CNTLN: variants seen among roughly 807,000 people sequenced by gnomAD.
The protein encoded by CNTLN is centlein, centrosomal protein.
In CNTLN, 212 loss-of-function variants were observed where a neutral mutation model predicts 180.0. The ratio of observed to expected loss-of-function variants is 1.18; its 90% confidence interval spans 1.05 to 1.32. CNTLN has a LOEUF of 1.32. CNTLN is among the 40% of genes most tolerant of loss of function. CNTLN has a pLI of 0.00. For missense variants in CNTLN, 2,095 were observed against 1,610.9 expected, an observed-to-expected ratio of 1.30 and a Z score of -5.14; for synonymous variants, 722 against 563.1, an observed-to-expected ratio of 1.28 and a Z score of -3.99.
intron 3 of CNTLN, among the ~76,000 whole-genome samples, chr9:17,227,284 G>A (rs1290931100): frequency 6.6e-6 from 1 of 151,738 alleles, no homozygotes; most frequent in African/African-American, 2.4e-5. Context: ...TATCTTTTAT[G>A]TATAATCAGT....
At chr9:17,209,484 G>A (rs898828170) in intron 2 of CNTLN, among the ~76,000 whole-genome samples, 2 of 152,158 alleles carry the variant, frequency 1.3e-5, no homozygotes, top group African/African-American at 4.8e-5. Flanking sequence ...TTGATTTTCT[G>A]TCTGGATGAT....
At chr9:17,308,007 C>CAT (rs1256222487) in intron 7 of CNTLN, among the ~76,000 whole-genome samples, 9 of 150,810 alleles carry the variant, frequency 6.0e-5, no homozygotes, top group African/African-American at 1.2e-4. Flanking sequence ...CACACACACA[C>CAT]ACACACACAC....
intron 2 of CNTLN, among the ~76,000 whole-genome samples, chr9:17,160,259 G>A (rs537433160): frequency 3.9e-5 from 6 of 151,974 alleles, no homozygotes; most frequent in East Asian, 1.9e-4. Context: ...ATTTTATATC[G>A]TTTTCTATGG....
intron 6 of CNTLN, among the ~76,000 whole-genome samples, chr9:17,284,167 G>A (rs902348259): frequency 2.6e-5 from 4 of 152,056 alleles, no homozygotes; most frequent in African/African-American, 7.2e-5. Context: ...GATTACAGGC[G>A]CTTCCAGTAT....
chr9:17,219,380 A>G (rs772674422), intron 2 of CNTLN, among the ~76,000 whole-genome samples: 7 of 151,890 alleles, frequency 4.6e-5, no homozygotes, highest in Non-Finnish European at 7.4e-5. Context: ...AGTAGAAAAT[A>G]TTGTATTCCT....
chr9:17,150,902 C>G (rs748375157), intron 2 of CNTLN, among the ~76,000 whole-genome samples: 1 of 152,096 alleles, frequency 6.6e-6, no homozygotes, highest in African/African-American at 2.4e-5. Context: ...ATTTTATTCT[C>G]TTAGTAGCAG....
At chr9:17,339,734 T>G (rs1821327247) in intron 10 of CNTLN, among the ~76,000 whole-genome samples, 1 of 152,196 alleles carries the variant, frequency 6.6e-6, no homozygotes, top group Non-Finnish European at 1.5e-5. Flanking sequence ...AGTTACTTAT[T>G]TTACTTTGAG....
intron 25 of CNTLN, chr9:17,495,034 A>G (rs1833377615): frequency 7.6e-6 from 3 of 395,974 alleles, no homozygotes; most frequent in South Asian, 1.8e-5. Flanking sequence ...GCGTGCCACC[A>G]TGCCCAGCTA....
At chr9:17,502,218 T>G (rs1239499131) in intron 25 of CNTLN, among the ~76,000 whole-genome samples, 1 of 152,214 alleles carries the variant, frequency 6.6e-6, no homozygotes, top group East Asian at 1.9e-4. Context: ...GCCCTAGAGA[T>G]GACTGTAACC....
intron 13 of CNTLN, among the ~76,000 whole-genome samples, chr9:17,373,230 TAA>T (rs960195917): frequency 6.6e-6 from 1 of 152,024 alleles, no homozygotes; most frequent in African/African-American, 2.4e-5. Flanking sequence ...TGGAAAAACT[TAA>T]GAGTCCATAA....
chr9:17,408,757 C>T (rs950743536), intron 15 of CNTLN, among the ~76,000 whole-genome samples: 18 of 150,206 alleles, frequency 1.2e-4, no homozygotes, highest in Admixed American at 1.1e-3. Flanking sequence ...GCCAAGATCG[C>T]GCCACTGCAC....
At chr9:17,424,875 T>G (rs2133945029) in intron 18 of CNTLN, among the ~76,000 whole-genome samples, 1 of 152,294 alleles carries the variant, frequency 6.6e-6, no homozygotes, top group Admixed American at 6.5e-5. Flanking sequence ...AACCATGCTC[T>G]TAGACTTCCT....
At chr9:17,391,053 C>T (rs1482348289) in intron 14 of CNTLN, among the ~76,000 whole-genome samples, 2 of 152,168 alleles carry the variant, frequency 1.3e-5, no homozygotes, top group African/African-American at 4.8e-5. Context: ...TTATGTGCCA[C>T]AGGACGCTTC....
At chr9:17,284,909 C>T (rs755201232) in intron 6 of CNTLN, among the ~76,000 whole-genome samples, 9 of 151,750 alleles carry the variant, frequency 5.9e-5, no homozygotes, top group Non-Finnish European at 1.3e-4. Context: ...TATAAATTTC[C>T]CTCTTAACAC....
At chr9:17,415,909 T>C (rs1162922386) in intron 17 of CNTLN, 28 bp downstream of exon 17, 5 of 1,586,812 alleles carry the variant, frequency 3.2e-6, no homozygotes, top group Non-Finnish European at 4.3e-6. Flanking sequence ...ATTAACAATA[T>C]GTCTTTTACA....
chr9:17,524,289 C>T, the CNTLN span, among the ~76,000 whole-genome samples: 1 of 152,082 alleles, frequency 6.6e-6, no homozygotes, highest in African/African-American at 2.4e-5. Context: ...GTAATAGAGA[C>T]CCAGGATAAC....
intron 18 of CNTLN, among the ~76,000 whole-genome samples, chr9:17,456,201 G>C (rs79284721): frequency 0.04 from 6,107 of 152,134 alleles, 319 homozygotes; most frequent in East Asian, 0.25. Flanking sequence ...TTGAATATTA[G>C]CCAGGAAGAT....
chr9:17,423,697 C>A (rs1409366451), intron 18 of CNTLN, among the ~76,000 whole-genome samples: 1 of 152,110 alleles, frequency 6.6e-6, no homozygotes, highest in East Asian at 1.9e-4. Flanking sequence ...GGTAGTGGAG[C>A]TTGCTGGAAG....
intron 15 of CNTLN, among the ~76,000 whole-genome samples, chr9:17,406,824 G>C (rs2133822807): frequency 6.6e-6 from 1 of 151,750 alleles, no homozygotes. Context: ...GAAGCACTCT[G>C]CCCCATCACT....
Sources: gnomAD v4.1 joint callset for allele counts (sites outside exome capture counted in the v4.1 genomes callset) on GRCh38, gnomAD v4.1.1 for gene constraint, MANE v1.5 for transcripts, NCBI Gene and HGNC (gene_info 2026-07-23, HGNC 2026-07-21) for gene names.